Variants in MGAM observed in about 807,000 individuals in gnomAD.
MGAM encodes the protein maltase-glucoamylase.
Under a neutral mutation model 358.8 loss-of-function variants are expected in MGAM, and 253 were observed. The observed-to-expected ratio is 0.71, with a 90% confidence interval of 0.64 to 0.78. MGAM has a LOEUF of 0.78. Among genes scored for constraint, MGAM ranks in the 30% least tolerant of loss-of-function variants. MGAM has a pLI of 0.00. For synonymous variants in MGAM, 1,105 were observed against 1,227.1 expected (o/e 0.90, Z 2.08); for missense variants, 3,080 against 3,432.6 (o/e 0.90, Z 2.57).
At position 142,056,054 on chromosome 7, in the gene MGAM, G is replaced by T. The variant is rs201783917; in HGVS notation, c.3538G>T (p.Gly1180Cys). 321 of 1,611,516 alleles carry T rather than the reference G, an allele frequency of 2.0e-4. 1 individual carries two copies. The African/African-American group carries it at 3.9e-3, about 19-fold the overall frequency. ...CTACTACATGGGGCTGGAGGAGGAC[G>T]GCAGTGCCCATGGAGTGCTCCTGCT... Reference protein sequence around the residue: ...HPYYMGLEEDGSAHGVLLLNS... With the variant: ...HPYYMGLEEDCSAHGVLLLNS... The change falls in exon 29 of 71, where the codon GGC becomes TGC. Residue 1180 changes from glycine to cysteine, a missense_variant. Transcript: ENST00000475668.
rs1208044426 is a variant in MGAM at position 142,088,479 on chromosome 7, A to AT, written c.6810+1762_6810+1763insT. 1.5e-4 allele frequency among the ~76,000 whole-genome samples: 21 copies of AT among 144,372 alleles called. 2 individuals are homozygous for AT. The highest frequency in any genetic ancestry group is 9.4e-5 in the Non-Finnish European group (6 of 63,952). The allele number at this position is 144,372 out of a possible 152,430, so 94.7% of individuals were successfully genotyped here. A position where few individuals can be genotyped will look rare whatever the true frequency, so the allele number is the denominator to read the frequency against. On this transcript the variant is annotated intron_variant, in intron 57 of 70. Coordinates refer to ENST00000475668, the MANE Select transcript of MGAM (RefSeq NM_001365693.1). ...TATGTATGTACGTATCTATCTATCT[A>AT]CCTATCTCAGTCTATCATATCTATG...
At chr7:142,085,798 G>C in intron 54 of MGAM, 35 bp from the exon 55 acceptor site, 1 of 1,556,396 alleles carries the variant, frequency 6.4e-7, no homozygotes, top group Non-Finnish European at 8.8e-7. Flanking sequence ...GGCGTGTACA[G>C]CAGCAGCCTC....
chr7:142,053,694 C>A lies in MGAM; in HGVS notation c.3159+710C>A, dbSNP rs568398861. 4.6e-5 allele frequency among the ~76,000 whole-genome samples: 7 copies of A among 152,190 alleles called. No homozygotes were observed. In the South Asian group the frequency reaches 1.5e-3, roughly 32 times the overall value. ...GCTTCTGAAATCTACAGAGCCTGGC[C>A]GATAGTGCTGTAATGTTATTGACAG... On this transcript the variant is annotated intron_variant, in intron 26 of 70. Transcript: ENST00000475668.
intron 3 of MGAM, among the ~76,000 whole-genome samples, chr7:142,018,738 A>G (rs992364199): frequency 1.3e-5 from 2 of 152,218 alleles, no homozygotes; most frequent in African/African-American, 2.4e-5. Context: ...TCACATATGT[A>G]TAATCCATAT....
At chr7:142,014,790 T>A (rs1554455473) in intron 3 of MGAM, among the ~76,000 whole-genome samples, 2 of 152,158 alleles carry the variant, frequency 1.3e-5, no homozygotes, top group African/African-American at 4.8e-5. Context: ...ATATCTCTAG[T>A]TCATTTATTT....
chr7:142,042,179 ACATAT>A (rs1418859020), intron 21 of MGAM, among the ~76,000 whole-genome samples: 4 of 1,844 alleles, frequency 2.2e-3, no homozygotes, highest in Admixed American at 0.011. Flanking sequence ...ATAATATATA[ACATAT>A]TATATATACA....
intron 21 of MGAM, among the ~76,000 whole-genome samples, chr7:142,045,134 T>A (rs1377739062): frequency 1.3e-5 from 1 of 76,212 alleles, no homozygotes; most frequent in Admixed American, 2.2e-4. Context: ...ATATAATATG[T>A]ATATTATATA....
chr7:142,042,766 T>G (rs1220558573), intron 21 of MGAM, among the ~76,000 whole-genome samples: 1 of 78,668 alleles, frequency 1.3e-5, no homozygotes, highest in African/African-American at 5.1e-5. Flanking sequence ...ATATATTATA[T>G]ATACATATAT....
rs746239109 is a variant in MGAM at position 142,052,367 on chromosome 7, A to G, written c.2879A>G (p.Asp960Gly). 1.2e-6 allele frequency: 2 copies of G among 1,612,264 alleles called. No homozygotes were observed. Among genetic ancestry groups the G allele is most frequent in the Admixed American group, 1.7e-5 (1 of 59,790 alleles). ...YTVEWSIKIR[D>G]EEKIDCYPDE... is the part of the protein sequence containing the mutation. ...GTGGAATGGAGCATAAAGATAAGGG[A>G]TGAAGAAAAAATAGACTGTTACCCT... Residue 960 changes from aspartate (D) to glycine (G), a missense_variant, in exon 25 of 71, where the codon GAT (aspartate) becomes GGT (glycine). Asp to Gly is a moderately conservative substitution (Grantham distance 94). Transcript: ENST00000475668.
At chr7:142,060,075 T>C in intron 33 of MGAM, 109 bp downstream of exon 33, 1 of 1,334,138 alleles carries the variant, frequency 7.5e-7, no homozygotes, top group South Asian at 1.4e-5. Context: ...TGGCCTTTTC[T>C]ATTTGGGCTC....
intron 21 of MGAM, among the ~76,000 whole-genome samples, chr7:142,043,875 A>G (rs1017524119): frequency 8.3e-6 from 1 of 120,490 alleles, no homozygotes. Flanking sequence ...TTATATACAC[A>G]TACGACGTAT....
intron 2 of MGAM, among the ~76,000 whole-genome samples, chr7:141,988,405 C>T (rs1554446641): frequency 6.6e-6 from 1 of 151,922 alleles, no homozygotes; most frequent in Non-Finnish European, 1.5e-5. Flanking sequence ...CACTCTGTCA[C>T]CCAGGCTGGA....
intron 21 of MGAM, among the ~76,000 whole-genome samples, chr7:142,044,041 AATAT>A (rs1327767148): frequency 1.5e-5 from 2 of 137,464 alleles, no homozygotes; most frequent in African/African-American, 5.6e-5. Flanking sequence ...TACGACGTAT[AATAT>A]ATACATTATA....
intron 21 of MGAM, among the ~76,000 whole-genome samples, chr7:142,044,120 TAC>T (rs1171742015): frequency 1.4e-5 from 2 of 144,472 alleles, no homozygotes; most frequent in African/African-American, 5.0e-5. Context: ...TATATACACA[TAC>T]GACGTATAAT....
chr7:142,100,691 G>C (rs1816365173), intron 67 of MGAM, 111 bp from the exon 68 acceptor site: 1 of 893,002 alleles, frequency 1.1e-6, no homozygotes, highest in Non-Finnish European at 1.8e-6. Flanking sequence ...CTAGTATGCA[G>C]TCTTTATCCC....
chr7:142,041,236 G>A (rs1465614607), intron 21 of MGAM, among the ~76,000 whole-genome samples: 6 of 151,960 alleles, frequency 3.9e-5, no homozygotes, highest in Admixed American at 3.9e-4. Context: ...TCCTTTATAT[G>A]TAATTGATTC....
rs1813718772 is a variant in MGAM at position 142,076,205 on chromosome 7, A to G, written c.5278A>G (p.Thr1760Ala). 12 of 1,545,322 alleles carry G rather than the reference A, an allele frequency of 7.8e-6. No individual in the cohort carries two copies. The Admixed American group carries it at 1.4e-4, about 18-fold the overall frequency. ...ACTTGTCTTTCTGTCACTTTCAGAT[A>G]CTGTGGCCAAGAAAGTATATCTTTT... ...LFWDDGQTKD[T>A]VAKKVYLLCE... is the part of the protein sequence containing the mutation. The change falls in exon 46 of 71, where the codon ACT becomes GCT. Residue 1760 changes from threonine to alanine, a missense_variant and splice_region_variant. By Grantham distance (58) the Thr-to-Ala change is moderately conservative (BLOSUM62 0). This residue lies in a region of MGAM where 932 missense variants were observed against 1,198.2 expected (regional missense o/e 0.78). Transcript: ENST00000475668.
chr7:142,039,568 G>T (rs1333852353), intron 19 of MGAM, among the ~76,000 whole-genome samples: 1 of 152,044 alleles, frequency 6.6e-6, no homozygotes, highest in African/African-American at 2.4e-5. Context: ...CATGAGATTT[G>T]GGCAGACAAA....
Position 142,052,409 on chromosome 7 carries a change from C to T in MGAM, c.2921C>T (p.Ser974Phe), listed in dbSNP as rs372426741. Residue 974 changes from serine (S) to phenylalanine (F), a missense_variant, in exon 25 of 71, where the codon TCT becomes TTT. Physicochemically the swap from Ser to Phe is radical, Grantham distance 155. Around this residue, in one of 5 missense-constraint regions of MGAM, gnomAD observed 1,816 missense variants for 1,840.5 expected, o/e 0.99. Transcript: ENST00000475668. ...IDCYPDENGASAENCTARGCI... is the reference protein window; with the variant it reads ...IDCYPDENGAFAENCTARGCI... ...TGTTACCCTGATGAGAATGGTGCTT[C>T]TGCCGAAAACTGCACTGCCCGTGGC... The T allele has an allele frequency of 6.2e-7, 1 of 1,613,444 alleles. No individual in the cohort carries two copies. The highest frequency in any genetic ancestry group is 8.5e-7 in the Non-Finnish European group (1 of 1,179,700).
Sources: allele counts gnomAD v4.1 joint callset (sites outside exome capture counted in the v4.1 genomes callset), GRCh38; gene constraint gnomAD v4.1.1; regional missense constraint gnomAD v4.1.1; transcripts MANE v1.5; gene names NCBI Gene and HGNC (gene_info 2026-07-23, HGNC 2026-07-21).